STYXL1: variants seen among roughly 807,000 people sequenced by gnomAD.
The protein encoded by STYXL1 is serine/threonine/tyrosine-interacting-like protein 1.
Under a neutral mutation model 36.4 loss-of-function variants are expected in STYXL1, and 32 were observed. The ratio of observed to expected loss-of-function variants is 0.88; its 90% CI spans 0.66 to 1.18. The LOEUF (loss-of-function observed/expected upper bound fraction) is 1.18, where lower values mean the gene tolerates loss of function less well. Ranked by LOEUF, STYXL1 falls within the 50% of genes most tolerant of loss-of-function variation. The pLI is 0.00. For missense variants in STYXL1, 354 were observed against 394.1 expected, an observed-to-expected ratio of 0.90 and a Z score of 0.86; for synonymous variants, 133 against 144.1, an observed-to-expected ratio of 0.92 and a Z score of 0.55.
chr7:76,013,953 G>A, intron 4 of STYXL1, 66 bp from the exon 5 acceptor site: 1 of 1,458,922 alleles, frequency 6.9e-7, no homozygotes, highest in Non-Finnish European at 9.2e-7. Flanking sequence ...AGCTGGGATA[G>A]ATGACCACTT....
At chr7:76,022,569 G>A (rs973228134) in intron 3 of STYXL1, among the ~76,000 whole-genome samples, 6 of 152,158 alleles carry the variant, frequency 3.9e-5, no homozygotes, top group African/African-American at 7.2e-5. Context: ...GGAGGCTGAA[G>A]TGGACGGATC....
chr7:75,998,079 A>T (rs781890850), intron 8 of STYXL1, among the ~76,000 whole-genome samples: 7 of 152,238 alleles, frequency 4.6e-5, no homozygotes, highest in Admixed American at 2.0e-4. Context: ...TTTTGTAGAA[A>T]TAGAAAAATC....
At chr7:76,008,433 C>T (rs554858615) in intron 5 of STYXL1, among the ~76,000 whole-genome samples, 1 of 152,208 alleles carries the variant, frequency 6.6e-6, no homozygotes, top group African/African-American at 2.4e-5. Context: ...GCGTGTGGGT[C>T]CTTCAGAGCC....
At chr7:76,026,136 G>A (rs1387938498) in intron 3 of STYXL1, among the ~76,000 whole-genome samples, 7 of 133,062 alleles carry the variant, frequency 5.3e-5, no homozygotes, top group East Asian at 2.4e-4. Context: ...AGCGTGCAGC[G>A]AGCTGAGATT....
chr7:76,021,363 G>A (rs10252879), intron 4 of STYXL1, among the ~76,000 whole-genome samples: 2 of 152,154 alleles, frequency 1.3e-5, no homozygotes, highest in Non-Finnish European at 1.5e-5. Flanking sequence ...TTACAGGCAT[G>A]AGCCACCGCG....
chr7:76,046,520 T>C (rs547597101), intron 1 of STYXL1, among the ~76,000 whole-genome samples: 49 of 151,506 alleles, frequency 3.2e-4, no homozygotes, highest in Middle Eastern at 3.4e-3. Flanking sequence ...CCAATTTTTG[T>C]ATATTTAGTA....
chr7:76,040,663 C>G (rs1409805258), intron 1 of STYXL1, among the ~76,000 whole-genome samples: 4 of 152,044 alleles, frequency 2.6e-5, no homozygotes, highest in Non-Finnish European at 5.9e-5. Context: ...ATGGTAAAAC[C>G]TAGTCTCTAC....
rs1796963062 is a variant in STYXL1 at position 76,046,277 on chromosome 7, TGTGTGTGTGTG to T, written c.-5+1374_-5+1384del. Among the ~76,000 whole-genome samples the T allele has an allele frequency of 2.4e-3, 43 of 17,986 alleles. 1 individual carries two copies. Among genetic ancestry groups the T allele is most frequent in the Non-Finnish European group, 2.8e-3 (20 of 7,140 alleles). 11.8% of individuals were successfully genotyped at this position (17,986 alleles called of 152,430 possible). A position where few individuals can be genotyped will look rare whatever the true frequency, so the allele number is the denominator to read the frequency against. On this transcript the variant is annotated intron_variant, in intron 1 of 8. Coordinates refer to ENST00000359697, the MANE Select transcript of STYXL1 (RefSeq NM_001317785.2). Reference sequence around the variant, plus strand: ...CCAGCATGTCTCAGCTTATCTGCTGTGTGTGTGTGTGTGTGTGTGTGTGTGTGTGTGTGTGT... The same window carrying T: ...CCAGCATGTCTCAGCTTATCTGCTGTTGTGTGTGTGTGTGTGTGTGTGTGT...
In STYXL1 at chr7:76,030,401, G is replaced by A. The variant is rs148950034; in HGVS notation, c.103+20C>T. The stretch of plus-strand genomic sequence containing the variant: ...AAGGACACTGTGTTTGACCTCCTCC[G>A]CTTTTTTCCAAGTACTTACCCAATA... On this transcript the variant is annotated intron_variant, in intron 2 of 8. Transcript: ENST00000359697. 167 of 1,574,710 alleles carry A rather than the reference G, an allele frequency of 1.1e-4. No individual in the cohort carries two copies. Among genetic ancestry groups the A allele is most frequent in the African/African-American group, 4.7e-4 (35 of 74,282 alleles).
intron 3 of STYXL1, among the ~76,000 whole-genome samples, chr7:76,025,462 C>T (rs1554577439): frequency 6.6e-6 from 1 of 152,138 alleles, no homozygotes; most frequent in Non-Finnish European, 1.5e-5. Flanking sequence ...GGCTCTGAAT[C>T]GGTTGCAGCA....
At chr7:76,009,093 C>T (rs752826011) in intron 5 of STYXL1, among the ~76,000 whole-genome samples, 13 of 152,264 alleles carry the variant, frequency 8.5e-5, no homozygotes, top group Non-Finnish European at 1.6e-4. Context: ...AAACCAGCTT[C>T]CTTTTCTGCG....
rs1790140320 is a variant in STYXL1, at chr7:75,996,483, C to A, written c.927G>T (p.Met309Ile). 1 of 1,614,210 alleles carries A rather than the reference C, an allele frequency of 6.2e-7. No individual in the cohort carries two copies. Among genetic ancestry groups the A allele is most frequent in the Non-Finnish European group, 8.5e-7 (1 of 1,180,044 alleles). The change falls in exon 9 of 9, where the codon ATG becomes ATT. Residue 309 changes from methionine (M) to isoleucine (I), a missense_variant. Physicochemically the swap from Met to Ile is conservative, Grantham distance 10 (BLOSUM62 1). Coordinates refer to ENST00000359697, the MANE Select transcript of STYXL1 (RefSeq NM_001317785.2). ...TILGDSITNI[M>I]DPLY ...TCGGAGAAGATCAGTAGAGCGGATCCATGATGTTTGTGATGGAATCTCCAA... is the reference window on the plus strand; with the variant it reads ...TCGGAGAAGATCAGTAGAGCGGATCAATGATGTTTGTGATGGAATCTCCAA...
chr7:76,010,929 A>C (rs897280180), intron 5 of STYXL1, among the ~76,000 whole-genome samples: 1 of 152,158 alleles, frequency 6.6e-6, no homozygotes, highest in Non-Finnish European at 1.5e-5. Flanking sequence ...ACTATACACT[A>C]GTTGGCCAGG....
At chr7:76,042,567 C>T (rs186940090) in intron 1 of STYXL1, among the ~76,000 whole-genome samples, 2 of 151,616 alleles carry the variant, frequency 1.3e-5, no homozygotes, top group African/African-American at 2.4e-5. Flanking sequence ...CCACCTCTCC[C>T]GGCTAATTTT....
In STYXL1 at chr7:76,047,878, G is replaced by T; in HGVS notation, c.-221C>A. Reference sequence around the variant, plus strand: ...CGTCCTCTTCCACCTCTTGGGTGCAGACTGGCCCTCCCACTCCGACCGCAG... The same window carrying T: ...CGTCCTCTTCCACCTCTTGGGTGCATACTGGCCCTCCCACTCCGACCGCAG... On this transcript the variant is annotated 5_prime_UTR_variant, in exon 1 of 9. In the 5' UTR this introduces an upstream ATG that the reference lacks. Coordinates refer to ENST00000359697, the MANE Select transcript of STYXL1 (RefSeq NM_001317785.2). 1.5e-6 allele frequency: 2 copies of T among 1,379,020 alleles called. No homozygotes were observed. Among genetic ancestry groups the T allele is most frequent in the East Asian group, 2.8e-5 (1 of 35,170 alleles). The allele number at this position is 1,379,020 out of a possible 1,614,324, so 85.4% of individuals were successfully genotyped here. A position where few individuals can be genotyped will look rare whatever the true frequency, so the allele number is the denominator to read the frequency against.
chr7:76,027,250 G>A (rs1376202147), intron 3 of STYXL1, among the ~76,000 whole-genome samples: 4 of 151,896 alleles, frequency 2.6e-5, no homozygotes, highest in African/African-American at 4.8e-5. Context: ...CTGCAGTAGG[G>A]GACATGGTGA....
At chr7:76,042,482 G>T (rs1796576136) in intron 1 of STYXL1, among the ~76,000 whole-genome samples, 2 of 132,464 alleles carry the variant, frequency 1.5e-5, no homozygotes, top group South Asian at 5.0e-4. Context: ...TCAGCTCACT[G>T]CAACCCTGCC....
At position 76,024,679 on chromosome 7, in the gene STYXL1, G is replaced by A. The variant is rs527623801; in HGVS notation, c.166-2687C>T. Among the ~76,000 whole-genome samples the A allele has an allele frequency of 1.1e-4, 17 of 152,068 alleles. No individual in the cohort carries two copies. In the South Asian group the frequency reaches 1.2e-3, roughly 11 times the overall value. On this transcript the variant is annotated intron_variant, in intron 3 of 8. Coordinates refer to ENST00000359697, the MANE Select transcript of STYXL1 (RefSeq NM_001317785.2). Reference sequence around the variant, plus strand: ...AAAGCCATACAAATTGGCCAGGTGCGGTGGCTCACACTTGTAATCCCAGCA... The same window carrying A: ...AAAGCCATACAAATTGGCCAGGTGCAGTGGCTCACACTTGTAATCCCAGCA...
chr7:76,046,274 C>CTTTGTGTGTGTG (rs1451331977), intron 1 of STYXL1, among the ~76,000 whole-genome samples: 1 of 103,180 alleles, frequency 9.7e-6, no homozygotes, highest in East Asian at 3.0e-4. Context: ...AGCTTATCTG[C>CTTTGTGTGTGTG]TGTGTGTGTG....
Sources: allele counts gnomAD v4.1 joint callset (sites outside exome capture counted in the v4.1 genomes callset), GRCh38; gene constraint gnomAD v4.1.1; transcripts MANE v1.5; gene names NCBI Gene and HGNC (gene_info 2026-07-23, HGNC 2026-07-21).